MCCC1: variants seen among roughly 807,000 people sequenced by gnomAD.
The protein encoded by MCCC1 is methylcrotonyl-CoA carboxylase subunit 1, also known as methylcrotonoyl-CoA carboxylase subunit alpha, mitochondrial.
A neutral mutation model predicts 83.8 loss-of-function variants in MCCC1; 64 were observed. That is an observed-to-expected ratio of 0.76 (90% confidence interval 0.62 to 0.94). The LOEUF (loss-of-function observed/expected upper bound fraction) is 0.94. Ranked by LOEUF, MCCC1 falls within the 40% of genes least tolerant of loss-of-function variation. The pLI is 0.00. For synonymous variants in MCCC1, 322 were observed against 315.4 expected (o/e 1.02, Z -0.22); for missense variants, 807 against 904.7 (o/e 0.89, Z 1.39).
intron 14 of MCCC1, among the ~76,000 whole-genome samples, chr3:183,028,785 G>A (rs1712812213): frequency 6.6e-6 from 1 of 152,194 alleles, no homozygotes; most frequent in Non-Finnish European, 1.5e-5. Context: ...GAAAGGAAGA[G>A]TCAGCAGATG....
At chr3:183,109,176 G>A (rs1719451540) in intron 1 of MCCC1, among the ~76,000 whole-genome samples, 1 of 152,142 alleles carries the variant, frequency 6.6e-6, no homozygotes, top group African/African-American at 2.4e-5. Flanking sequence ...ATTTTTAGTA[G>A]AGACGGGGTT....
Position 183,022,375 on chromosome 3 carries a change from C to T in MCCC1, c.1869+42G>A, listed in dbSNP as rs755826135. The stretch of plus-strand genomic sequence containing the variant: ...GGAATGTCTCTGGTCAAACAGTTTT[C>T]TCCCATGCCCCAGGAGGGATATTAT... On this transcript the variant is annotated intron_variant, in intron 16 of 18. Transcript: ENST00000265594. 1.7e-5 allele frequency: 27 copies of T among 1,608,058 alleles called. No homozygotes were observed. In the African/African-American group the frequency reaches 3.1e-4, roughly 18 times the overall value.
chr3:183,016,712 T>C (rs977915795), intron 18 of MCCC1, among the ~76,000 whole-genome samples: 1 of 152,230 alleles, frequency 6.6e-6, no homozygotes, highest in African/African-American at 2.4e-5. Context: ...TTTTGCACCA[T>C]TGTCAAGCTG....
In MCCC1 at chr3:183,114,668, T is replaced by C. The variant is rs1719560284; in HGVS notation, c.-102+806A>G. Among the ~76,000 whole-genome samples, 3 of 152,328 alleles carry C rather than the reference T, an allele frequency of 2.0e-5. No homozygotes were observed. The South Asian group carries it at 6.2e-4, about 32-fold the overall frequency. ...TTTGGGGGAAGAAGGGGAAGAATCT[T>C]CACAGGCTCTTCCTCCTAGAGAGCA... On this transcript the variant is annotated intron_variant, in intron 1 of 17. Transcript: ENST00000492597.
At chr3:183,049,552 C>G (rs147441616) in intron 9 of MCCC1, among the ~76,000 whole-genome samples, 104 of 137,116 alleles carry the variant, frequency 7.6e-4, no homozygotes, top group African/African-American at 2.8e-3. Flanking sequence ...AGCCTGGCGA[C>G]AGAATGAGAC....
At chr3:183,055,637 C>A (rs1715362780) in intron 8 of MCCC1, among the ~76,000 whole-genome samples, 1 of 152,034 alleles carries the variant, frequency 6.6e-6, no homozygotes. Context: ...TGGCTCGGGC[C>A]TGTAATCCAA....
At chr3:183,047,267 A>C (rs940315544) in intron 9 of MCCC1, among the ~76,000 whole-genome samples, 15 of 152,276 alleles carry the variant, frequency 9.9e-5, no homozygotes, top group Admixed American at 7.2e-4. Flanking sequence ...GGAAAACAAA[A>C]CAAAAACATA....
At chr3:183,018,821 T>G (rs1321132847) in intron 17 of MCCC1, among the ~76,000 whole-genome samples, 1 of 152,244 alleles carries the variant, frequency 6.6e-6, no homozygotes, top group Non-Finnish European at 1.5e-5. Flanking sequence ...TTTGAAGTCT[T>G]CAGAGCCCTG....
At chr3:183,094,759 C>T (rs547452865) in intron 1 of MCCC1, among the ~76,000 whole-genome samples, 154 bp from the exon 2 acceptor site, 2 of 152,308 alleles carry the variant, frequency 1.3e-5, no homozygotes, top group Non-Finnish European at 2.9e-5. Flanking sequence ...TAATCTAGAA[C>T]TCAAGAGTTA....
chr3:183,094,752 T>C (rs1417310536), intron 1 of MCCC1, 147 bp from the exon 2 acceptor site: 2 of 788,996 alleles, frequency 2.5e-6, no homozygotes, highest in African/African-American at 1.7e-5. Flanking sequence ...AGAAAACTAA[T>C]CTAGAACTCA....
At chr3:183,034,746 T>A (rs575695036) in intron 13 of MCCC1, among the ~76,000 whole-genome samples, 2 of 151,790 alleles carry the variant, frequency 1.3e-5, no homozygotes, top group Non-Finnish European at 2.9e-5. Flanking sequence ...CTCTTTTATG[T>A]TTTTATGTTG....
chr3:183,113,222 C>CAA (rs35441023), intron 1 of MCCC1, among the ~76,000 whole-genome samples: 57 of 105,144 alleles, frequency 5.4e-4, no homozygotes, highest in Admixed American at 1.0e-3. Flanking sequence ...GACTCCATCT[C>CAA]AAAAAAAAAA....
At chr3:183,017,616 A>G in intron 17 of MCCC1, 1 of 467,022 alleles carries the variant, frequency 2.1e-6, no homozygotes, top group Non-Finnish European at 3.9e-6. Flanking sequence ...CCTACAGCCC[A>G]AATATACAGG....
Position 183,096,461 on chromosome 3 carries a change from T to C in MCCC1, c.90-1856A>G, listed in dbSNP as rs796337381. Among the ~76,000 whole-genome samples, 70 of 152,350 alleles carry C rather than the reference T, an allele frequency of 4.6e-4. 1 individual carries two copies. The highest frequency in any genetic ancestry group is 1.7e-3 in the African/African-American group (69 of 41,578). ...GTTATAAAGGACTAACTAACCATTT[T>C]AGATTATTCACAAAGCACAAGATAA... On this transcript the variant is annotated intron_variant, in intron 1 of 18. Transcript: ENST00000265594.
rs937787878 is a variant in MCCC1 at position 183,051,605 on chromosome 3, T to C, written c.955+554A>G. On this transcript the variant is annotated intron_variant, in intron 9 of 18. Transcript: ENST00000265594. ...GTACAATGGTGGATACATATCATTA[T>C]ACATTTGTCAAAACTCACAGAATGT... Among the ~76,000 whole-genome samples, 4 of 152,192 alleles carry C rather than the reference T, an allele frequency of 2.6e-5. No homozygotes were observed. In the East Asian group the frequency reaches 7.7e-4, roughly 29 times the overall value.
At chr3:183,034,738 C>G (rs766686125) in intron 13 of MCCC1, among the ~76,000 whole-genome samples, 1 of 150,162 alleles carries the variant, frequency 6.7e-6, no homozygotes, top group Non-Finnish European at 1.5e-5. Context: ...CTCTTTTACT[C>G]TTTTATGTTT....
intron 7 of MCCC1, among the ~76,000 whole-genome samples, chr3:183,063,792 G>C (rs1224284769): frequency 6.6e-6 from 1 of 152,112 alleles, no homozygotes; most frequent in Non-Finnish European, 1.5e-5. Flanking sequence ...GTGGGGTCTG[G>C]TAACGTCTTT....
intron 14 of MCCC1, among the ~76,000 whole-genome samples, chr3:183,033,083 C>T (rs1414237368): frequency 6.6e-6 from 1 of 152,146 alleles, no homozygotes; most frequent in Non-Finnish European, 1.5e-5. Flanking sequence ...TCTGACTCTG[C>T]CCATTGGGCC....
intron 1 of MCCC1, among the ~76,000 whole-genome samples, chr3:183,108,267 A>T (rs1463228387): frequency 2.0e-5 from 3 of 152,184 alleles, no homozygotes; most frequent in Non-Finnish European, 4.4e-5. Context: ...TAACCTGTTC[A>T]TCTGGTATTT....
Sources: gnomAD v4.1 joint callset for allele counts (sites outside exome capture counted in the v4.1 genomes callset) on GRCh38, gnomAD v4.1.1 for gene constraint, MANE v1.5 for transcripts, NCBI Gene and HGNC (gene_info 2026-07-23, HGNC 2026-07-21) for gene names.